The following BOC variants were observed in gnomAD, a reference collection of about 807,000 sequenced individuals.
BOC encodes the protein BOC cell adhesion associated, oncogene regulated.
Under a neutral mutation model 112.0 loss-of-function variants are expected in BOC, and 76 were observed. The observed-to-expected ratio is 0.68, with a 90% confidence interval of 0.56 to 0.82. The LOEUF (loss-of-function observed/expected upper bound fraction) is 0.82, where lower values mean the gene tolerates loss of function less well. Among genes scored for constraint, BOC ranks in the 40% least tolerant of loss-of-function variants. The probability of loss-of-function intolerance (pLI) is 0.00; values close to 1 mark genes in which losing one functional copy is unlikely to be tolerated. For missense variants in BOC, 1,309 were observed against 1,511.7 expected (o/e 0.87, Z 2.22); for synonymous variants, 580 against 599.8 (o/e 0.97, Z 0.48).
chr3:113,284,893 C>T, intron 18 of BOC, 35 bp downstream of exon 18: 1 of 1,584,530 alleles, frequency 6.3e-7, no homozygotes, highest in South Asian at 1.1e-5. Flanking sequence ...TCCCAAGCCC[C>T]ACAGCCTCAC....
chr3:113,281,489 T>G (rs1949196486), intron 15 of BOC, among the ~76,000 whole-genome samples: 1 of 152,134 alleles, frequency 6.6e-6, no homozygotes. Context: ...TGAACTACAA[T>G]CCCATGAGAT....
In BOC at chr3:113,284,386, C is replaced by T. The variant is rs765131607; in HGVS notation, c.2708C>T (p.Pro903Leu). Residue 903 changes from proline (P) to leucine (L), a missense_variant, in exon 17 of 20, where the codon CCG becomes CTG. Physicochemically the swap from Pro to Leu is moderately conservative, Grantham distance 98. Coordinates refer to ENST00000682979, the MANE Select transcript of BOC (RefSeq NM_001378074.1). ...FPRSALPPSC[P>L]YTMVPLGGLP... The stretch of plus-strand genomic sequence containing the variant: ...CGAAGTGCCCTTCCACCCTCCTGCC[C>T]GTATACTATGGTGCCATTGGGAGGA... 13 of 1,614,080 alleles carry T rather than the reference C, an allele frequency of 8.1e-6. No individual in the cohort carries two copies. The highest frequency in any genetic ancestry group is 5.3e-5 in the African/African-American group (4 of 74,924).
chr3:113,221,759 G>T (rs979682123), intron 2 of BOC, among the ~76,000 whole-genome samples: 2 of 152,200 alleles, frequency 1.3e-5, no homozygotes, highest in Non-Finnish European at 2.9e-5. Context: ...GCTAGAGAAG[G>T]TCACTTCTGT....
intron 4 of BOC, among the ~76,000 whole-genome samples, chr3:113,263,987 CCT>C (rs201602070): frequency 0.011 from 1,623 of 152,304 alleles, 29 homozygotes; most frequent in African/African-American, 0.037. Context: ...ATCCCTGTAG[CCT>C]CTGTGTTCAG....
Position 113,279,775 on chromosome 3 carries a change from C to T in BOC, c.2024-49C>T, listed in dbSNP as rs1430068696. On this transcript the variant is annotated intron_variant, in intron 12 of 19. Coordinates refer to ENST00000682979, the MANE Select transcript of BOC (RefSeq NM_001378074.1). ...GGGCCTTGAAAGGCCATGGGAGAATCAGAAGGTATTTCCCAGCTCCTGAGT... is the reference window on the plus strand; with the variant it reads ...GGGCCTTGAAAGGCCATGGGAGAATTAGAAGGTATTTCCCAGCTCCTGAGT... The T allele has an allele frequency of 4.5e-6, 7 of 1,539,664 alleles. No homozygotes were observed. In the Admixed American group the frequency reaches 7.6e-5, roughly 17 times the overall value.
chr3:113,279,498 C>T, intron 12 of BOC, 43 bp downstream of exon 12: 1 of 1,578,052 alleles, frequency 6.3e-7, no homozygotes, highest in Non-Finnish European at 8.6e-7. Flanking sequence ...GATCCCCCAG[C>T]TGCCCCTTTC....
At position 113,278,831 on chromosome 3, in the gene BOC, C is replaced by T; in HGVS notation, c.1816+48C>T. The T allele has an allele frequency of 6.8e-7, 1 of 1,481,468 alleles. No homozygotes were observed. The highest frequency in any genetic ancestry group is 9.2e-7 in the Non-Finnish European group (1 of 1,084,700). The allele number at this position is 1,481,468 out of a possible 1,614,324, so 91.8% of individuals were successfully genotyped here. On this transcript the variant is annotated intron_variant, in intron 11 of 19. Transcript: ENST00000682979. This position sits in a 1 kb window ranked among gnomAD's most constrained non-coding sequence, Gnocchi z 4.2. ...GGACGCGCAGTCAGGACTGGAACTG[C>T]CTCAGAGGCCTGTTCCCATGGCTGA... is the stretch of plus-strand genomic sequence containing the variant.
In BOC at chr3:113,273,190, G is replaced by A; in HGVS notation, c.1083G>A (p.Val361=). The A allele has an allele frequency of 1.2e-6, 2 of 1,613,988 alleles. No individual in the cohort carries two copies. Among genetic ancestry groups the A allele is most frequent in the East Asian group, 4.5e-5 (2 of 44,862 alleles). Residue 361 remains valine (V), a synonymous_variant, in exon 8 of 20, where the codon GTG becomes GTA. Coordinates refer to ENST00000682979, the MANE Select transcript of BOC (RefSeq NM_001378074.1). Reference sequence around the variant, plus strand: ...CCGTGCTGTGGCTGAGGAATGCTGTGCCCCTCATCTCCAGCCAGCGCCTCC... The same window carrying A: ...CCGTGCTGTGGCTGAGGAATGCTGTACCCCTCATCTCCAGCCAGCGCCTCC... ...PPSVLWLRNA[V]PLISSQRLRL...
chr3:113,243,002 C>T (rs1944497373), intron 2 of BOC, among the ~76,000 whole-genome samples: 1 of 152,160 alleles, frequency 6.6e-6, no homozygotes, highest in East Asian at 1.9e-4. Context: ...TCGGTCTGTA[C>T]ATGAGGTTGT....
Position 113,273,312 on chromosome 3 carries a change from C to CCGTA in BOC, c.1206_1209dup (p.Val404ArgfsTer20). 1.3e-6 allele frequency: 2 copies of CCGTA among 1,596,554 alleles called. No homozygotes were observed. The highest frequency in any genetic ancestry group is 1.7e-6 in the Non-Finnish European group (2 of 1,166,278). On this transcript the variant is annotated frameshift_variant, in exon 8 of 20. Coordinates refer to ENST00000682979, the MANE Select transcript of BOC (RefSeq NM_001378074.1). LOFTEE classifies it high-confidence loss of function. ...GAGAACGAGGTTGGGAGCGCCCATGCCGTAGTCCAGCTGCGGACCTCCAGG... is the reference window on the plus strand; with the variant it reads ...GAGAACGAGGTTGGGAGCGCCCATGCCGTACGTAGTCCAGCTGCGGACCTCCAGG...
At chr3:113,281,567 G>A (rs1353959449) in intron 15 of BOC, among the ~76,000 whole-genome samples, 1 of 152,224 alleles carries the variant, frequency 6.6e-6, no homozygotes, top group Non-Finnish European at 1.5e-5. Flanking sequence ...TAGGGGTAGA[G>A]CATGCTTTGG....
chr3:113,255,157 C>G (rs148760329), intron 4 of BOC, among the ~76,000 whole-genome samples: 1 of 152,190 alleles, frequency 6.6e-6, no homozygotes, highest in African/African-American at 2.4e-5. Context: ...TTCAGATCAT[C>G]TTGTCTAATT....
intron 2 of BOC, among the ~76,000 whole-genome samples, chr3:113,232,371 A>C: frequency 6.6e-6 from 1 of 152,232 alleles, no homozygotes; most frequent in East Asian, 1.9e-4. Flanking sequence ...TTTAAGTTTT[A>C]GGTGATTTAA....
intron 4 of BOC, among the ~76,000 whole-genome samples, chr3:113,261,384 C>G (rs1946856757): frequency 6.6e-6 from 1 of 152,162 alleles, no homozygotes; most frequent in African/African-American, 2.4e-5. Context: ...ATCTTTTTTT[C>G]CTTCTGCTCT....
At position 113,225,416 on chromosome 3, in the gene BOC, G is replaced by A. The variant is rs1332263821; in HGVS notation, c.-82+9142G>A. Among the ~76,000 whole-genome samples, 3 of 152,306 alleles carry A rather than the reference G, an allele frequency of 2.0e-5. No individual in the cohort carries two copies. The East Asian group carries it at 5.8e-4, about 29-fold the overall frequency. On this transcript the variant is annotated intron_variant, in intron 2 of 19. Coordinates refer to ENST00000682979, the MANE Select transcript of BOC (RefSeq NM_001378074.1). ...AGGAGGAATGAGACTCACAGCACAC[G>A]TCAGAAAGTCAGCTTTTGGACTATG...
At chr3:113,236,274 ACCCATGGG>A (rs1943470421) in intron 2 of BOC, among the ~76,000 whole-genome samples, 1 of 85,926 alleles carries the variant, frequency 1.2e-5, no homozygotes, top group African/African-American at 4.3e-5. Flanking sequence ...GTGTATATAT[ACCCATGGG>A]TATATATATA....
Position 113,285,389 on chromosome 3 carries a change from C to G in BOC, c.2984C>G (p.Pro995Arg). Reference protein sequence around the residue: ...HQITRGPKSSPDEGSFLYTLP... With the variant: ...HQITRGPKSSRDEGSFLYTLP... ...CACTGCAGGGGTCCCAAGTCTAGCC[C>G]GGACGAGGGCTCTTTCTTATACACA... Residue 995 changes from proline to arginine, a missense_variant, in exon 19 of 20, where the codon CCG becomes CGG. By Grantham distance (103) the Pro-to-Arg change is moderately radical. Coordinates refer to ENST00000682979, the MANE Select transcript of BOC (RefSeq NM_001378074.1). The G allele has an allele frequency of 1.9e-6, 3 of 1,613,124 alleles. No individual in the cohort carries two copies. The highest frequency in any genetic ancestry group is 2.5e-6 in the Non-Finnish European group (3 of 1,179,866).
chr3:113,283,369 C>T, intron 15 of BOC, 42 bp from the exon 16 acceptor site: 1 of 1,524,880 alleles, frequency 6.6e-7, no homozygotes, highest in Non-Finnish European at 8.9e-7. Context: ...AAGGAAATAT[C>T]AAAGAAACAT....
intron 2 of BOC, among the ~76,000 whole-genome samples, chr3:113,233,841 T>G (rs1445707671): frequency 2.0e-5 from 3 of 150,030 alleles, no homozygotes; most frequent in Admixed American, 2.0e-4. Context: ...AGGTCTTATG[T>G]CCTGCCTGCC....
Sources: allele counts gnomAD v4.1 joint callset (sites outside exome capture counted in the v4.1 genomes callset), GRCh38; gene constraint gnomAD v4.1.1; non-coding constraint Gnocchi (gnomAD v3.1); transcripts MANE v1.5; gene names NCBI Gene and HGNC (gene_info 2026-07-23, HGNC 2026-07-21).